Variants in PRRC2C observed in about 807,000 individuals in gnomAD.
The protein encoded by PRRC2C is protein PRRC2C.
Under a neutral mutation model 317.2 loss-of-function variants are expected in PRRC2C, and 72 were observed. The observed-to-expected ratio is 0.23, with a 90% CI of 0.19 to 0.28. PRRC2C has a LOEUF of 0.28. Ranked by LOEUF, PRRC2C falls within the 10% of genes least tolerant of loss-of-function variation. The probability of loss-of-function intolerance (pLI) is 1.00; values close to 1 mark genes in which losing one functional copy is unlikely to be tolerated. For synonymous variants in PRRC2C, 1,296 were observed against 1,205.9 expected, an observed-to-expected ratio of 1.07 and a Z score of -1.55; for missense variants, 3,074 against 3,459.7, an observed-to-expected ratio of 0.89 and a Z score of 2.80.
At chr1:171,512,369 A>G (rs1230101963) in intron 2 of PRRC2C, 169 bp downstream of exon 2, 9 of 543,862 alleles carry the variant, frequency 1.7e-5, no homozygotes, top group Admixed American at 2.8e-5. Context: ...TAAACATCTT[A>G]TAATTGAAAA....
At chr1:171,562,871 T>A (rs1682961419) in intron 20 of PRRC2C, among the ~76,000 whole-genome samples, 1 of 151,798 alleles carries the variant, frequency 6.6e-6, no homozygotes, top group Non-Finnish European at 1.5e-5. Context: ...AGAATGAGAG[T>A]AGTTAGGAAA....
Position 171,517,830 on chromosome 1 carries a change from T to TGAACAAGCATTC in PRRC2C, c.750+17_750+28dup, listed in dbSNP as rs1672658565. 1.9e-6 allele frequency: 3 copies of TGAACAAGCATTC among 1,596,028 alleles called. No homozygotes were observed. In the East Asian group the frequency reaches 6.7e-5, roughly 36 times the overall value. ...GCCTCCTTATGTGAGTATTGTTAAA[T>TGAACAAGCATTC]GAACAAGCATTCAAACAAGTGGTTT... is the stretch of plus-strand genomic sequence containing the variant. On this transcript the variant is annotated intron_variant, in intron 6 of 34. Coordinates refer to ENST00000647382, the MANE Select transcript of PRRC2C (RefSeq NM_001387844.1).
At chr1:171,581,708 T>C (rs767990916) in intron 28 of PRRC2C, among the ~76,000 whole-genome samples, 1 of 152,242 alleles carries the variant, frequency 6.6e-6, no homozygotes, top group East Asian at 1.9e-4. Flanking sequence ...AGTATATTCA[T>C]GTTTTCTTAC....
In PRRC2C at chr1:171,540,632, G is replaced by C; in HGVS notation, c.3166G>C (p.Glu1056Gln). The change falls in exon 16 of 35, where the codon GAA becomes CAA. Residue 1056 changes from glutamate (E) to glutamine (Q), a missense_variant. This residue lies in a region of PRRC2C where 1,320 missense variants were observed against 1,395.7 expected (regional missense o/e 0.95). Coordinates refer to ENST00000647382, the MANE Select transcript of PRRC2C (RefSeq NM_001387844.1). ...AGTAGTTGTAAAGCCTGAAAAGACG[G>C]AAAAGAAGGATCTTCCTCCTCCCCC... is the stretch of plus-strand genomic sequence containing the variant. ...EKVVVKPEKT[E>Q]KKDLPPPPPP... 1 of 1,613,878 alleles carries C rather than the reference G, an allele frequency of 6.2e-7. No homozygotes were observed. The highest frequency in any genetic ancestry group is 8.5e-7 in the Non-Finnish European group (1 of 1,179,870).
chr1:171,570,382 G>C (rs918738898), intron 23 of PRRC2C, among the ~76,000 whole-genome samples: 2 of 152,058 alleles, frequency 1.3e-5, no homozygotes, highest in Admixed American at 1.3e-4. Flanking sequence ...ATACATGTTG[G>C]TTAGTATTAC....
chr1:171,582,434 G>A (rs1348044675), intron 28 of PRRC2C, among the ~76,000 whole-genome samples: 2 of 152,156 alleles, frequency 1.3e-5, no homozygotes, highest in African/African-American at 2.4e-5. Flanking sequence ...GTGCATCCAA[G>A]TATCAGTGAT....
chr1:171,584,099 C>G lies in PRRC2C; in HGVS notation c.7553C>G (p.Thr2518Ser), dbSNP rs1190791116. The G allele has an allele frequency of 6.2e-7, 1 of 1,614,000 alleles. No individual in the cohort carries two copies. Among genetic ancestry groups the G allele is most frequent in the Non-Finnish European group, 8.5e-7 (1 of 1,179,868 alleles). Residue 2518 changes from threonine (T) to serine (S), a missense_variant, in exon 29 of 35, where the codon ACT becomes AGT. Thr to Ser is a moderately conservative substitution (Grantham distance 58). Transcript: ENST00000647382. ...CTTGCCTTTCAGCAAACATCAAATA[C>G]TCAGCCCATTCCTATATTGTATGAA... Reference protein sequence around the residue: ...SGLAFQQTSNTQPIPILYEHQ... With the variant: ...SGLAFQQTSNSQPIPILYEHQ...
chr1:171,501,436 G>T (rs1174950293), intron 1 of PRRC2C, among the ~76,000 whole-genome samples: 1 of 152,120 alleles, frequency 6.6e-6, no homozygotes, highest in Non-Finnish European at 1.5e-5. Flanking sequence ...CAGCTGAGGT[G>T]TACCTGTTTT....
At chr1:171,546,974 C>T (rs982237663) in intron 17 of PRRC2C, among the ~76,000 whole-genome samples, 12 of 151,998 alleles carry the variant, frequency 7.9e-5, no homozygotes, top group Non-Finnish European at 1.5e-4. Flanking sequence ...GGCCTGTCAT[C>T]CCAGCACTTT....
chr1:171,544,992 A>G (rs764061801), intron 16 of PRRC2C, among the ~76,000 whole-genome samples: 1 of 152,250 alleles, frequency 6.6e-6, no homozygotes, highest in African/African-American at 2.4e-5. Flanking sequence ...AATTATTTCC[A>G]TATTAAAGTT....
At chr1:171,578,275 G>A (rs191956822) in intron 26 of PRRC2C, among the ~76,000 whole-genome samples, 439 of 152,160 alleles carry the variant, frequency 2.9e-3, no homozygotes, top group African/African-American at 9.2e-3. Flanking sequence ...TATATAGGCT[G>A]GGTGTGGTGG....
chr1:171,526,604 C>T (rs1249678770), intron 10 of PRRC2C, among the ~76,000 whole-genome samples: 1 of 152,042 alleles, frequency 6.6e-6, no homozygotes, highest in African/African-American at 2.4e-5. Flanking sequence ...TCCCAAAGTG[C>T]TGGGATTACA....
rs36013361 is a variant in PRRC2C, at chr1:171,523,502, C to G, written c.1035C>G (p.Asn345Lys). 2.6e-4 allele frequency: 418 copies of G among 1,610,636 alleles called. 1 individual carries two copies. Among genetic ancestry groups the G allele is most frequent in the Admixed American group, 8.3e-5 (5 of 59,926 alleles). The change falls in exon 9 of 35, where the codon AAC (asparagine) becomes AAG (lysine). Residue 345 changes from asparagine (N) to lysine (K), a missense_variant. Physicochemically the swap from Asn to Lys is moderately conservative, Grantham distance 94 (BLOSUM62 0). Coordinates refer to ENST00000647382, the MANE Select transcript of PRRC2C (RefSeq NM_001387844.1). ...GTGATGATGATGAACAAGGAAGTAA[C>G]AGTCCTAAAGAGAATAACAGGTAAG... is the stretch of plus-strand genomic sequence containing the variant. The part of the protein sequence containing the change: ...NFSDDDEQGS[N>K]SPKENNSEDQ...
At position 171,535,790 on chromosome 1, in the gene PRRC2C, A is replaced by T. The variant is rs59229441; in HGVS notation, c.2043+193A>T. Among the ~76,000 whole-genome samples, 1,297 of 152,300 alleles carry T rather than the reference A, an allele frequency of 8.5e-3. 18 individuals are homozygous for T. The highest frequency in any genetic ancestry group is 0.03 in the African/African-American group (1,250 of 41,554). On this transcript the variant is annotated intron_variant, in intron 13 of 34. Coordinates refer to ENST00000647382, the MANE Select transcript of PRRC2C (RefSeq NM_001387844.1). ...GTCATTCCTTTTGATCTTCTGCCTC[A>T]TTTATAGACACCATCTTCCATTTCT...
chr1:171,577,966 T>TG (rs1647502531), intron 26 of PRRC2C, among the ~76,000 whole-genome samples: 1 of 148,108 alleles, frequency 6.8e-6, no homozygotes. Flanking sequence ...TTTTTTTTTT[T>TG]TTGCATTTTT....
intron 3 of PRRC2C, among the ~76,000 whole-genome samples, chr1:171,513,892 A>T (rs1671834848): frequency 6.6e-6 from 1 of 152,212 alleles, no homozygotes; most frequent in Non-Finnish European, 1.5e-5. Context: ...TAGTAAAATT[A>T]TTTTATAGTA....
At chr1:171,542,829 C>T (rs937476947) in intron 16 of PRRC2C, among the ~76,000 whole-genome samples, 7 of 151,870 alleles carry the variant, frequency 4.6e-5, no homozygotes, top group Non-Finnish European at 8.8e-5. Context: ...GGCGTGATCT[C>T]GGCTCACTGC....
intron 23 of PRRC2C, among the ~76,000 whole-genome samples, chr1:171,568,851 A>G (rs187793454): frequency 3.1e-4 from 46 of 147,350 alleles, no homozygotes; most frequent in African/African-American, 1.1e-3. Flanking sequence ...GCTATATTGT[A>G]TTGTATACAT....
intron 28 of PRRC2C, among the ~76,000 whole-genome samples, chr1:171,580,738 G>T (rs1465806321): frequency 6.6e-6 from 1 of 152,200 alleles, no homozygotes; most frequent in African/African-American, 2.4e-5. Flanking sequence ...AGAAGAGTGA[G>T]TAAGAGTCAG....
Sources: allele counts gnomAD v4.1 joint callset (sites outside exome capture counted in the v4.1 genomes callset), GRCh38; gene constraint gnomAD v4.1.1; regional missense constraint gnomAD v4.1.1; transcripts MANE v1.5; gene names NCBI Gene and HGNC (gene_info 2026-07-23, HGNC 2026-07-21).